Variants in RTTN observed in about 807,000 individuals in gnomAD.
RTTN encodes rotatin.
In RTTN, 182 loss-of-function variants were observed where a neutral mutation model predicts 269.2. The observed-to-expected ratio is 0.68, with a 90% CI of 0.60 to 0.76. The LOEUF is 0.76. RTTN is among the 30% of genes least tolerant of loss of function. The pLI is 0.00. For missense variants in RTTN, 2,545 were observed against 2,608.6 expected (o/e 0.98, Z 0.53); for synonymous variants, 1,006 against 963.5 (o/e 1.04, Z -0.82).
intron 39 of RTTN, among the ~76,000 whole-genome samples, chr18:70,050,313 A>G (rs764925945): frequency 3.9e-5 from 6 of 152,212 alleles, no homozygotes; most frequent in Non-Finnish European, 7.3e-5. Context: ...GCCGACAAAC[A>G]TGAAAAAAAA....
intron 19 of RTTN, 45 bp from the exon 20 acceptor site, chr18:70,140,233 A>G (rs2060222714): frequency 1.9e-6 from 2 of 1,066,708 alleles, no homozygotes; most frequent in East Asian, 4.9e-5. Context: ...CATTTTTTGT[A>G]GTTTAAAACA....
intron 30 of RTTN, among the ~76,000 whole-genome samples, chr18:70,090,974 T>C (rs148921571): frequency 7.3e-4 from 111 of 152,300 alleles, no homozygotes; most frequent in Non-Finnish European, 1.4e-3. Flanking sequence ...ACTTCTTCCT[T>C]TTTTTCCTAT....
intron 28 of RTTN, among the ~76,000 whole-genome samples, chr18:70,093,095 C>A (rs1401789124): frequency 6.6e-6 from 1 of 152,132 alleles, no homozygotes; most frequent in East Asian, 1.9e-4. Context: ...GTCCCAGCTA[C>A]CGGGGAAGCT....
At chr18:70,058,636 T>C (rs986318664) in intron 36 of RTTN, among the ~76,000 whole-genome samples, 2 of 152,236 alleles carry the variant, frequency 1.3e-5, no homozygotes, top group Admixed American at 1.3e-4. Flanking sequence ...GGTCTTTTAA[T>C]GCCCCTGTGG....
chr18:70,192,275 A>C (rs918475528), intron 8 of RTTN, among the ~76,000 whole-genome samples: 11 of 152,194 alleles, frequency 7.2e-5, no homozygotes, highest in African/African-American at 2.7e-4. Context: ...ATTTTTTAGA[A>C]TGACACTAAA....
intron 46 of RTTN, among the ~76,000 whole-genome samples, chr18:70,011,371 C>T (rs532778900): frequency 7.7e-4 from 117 of 152,162 alleles, no homozygotes; most frequent in Admixed American, 1.2e-3. Context: ...TCCAGCAGCA[C>T]GTCAAAAAGC....
intron 17 of RTTN, among the ~76,000 whole-genome samples, chr18:70,147,253 T>C (rs2060416926): frequency 6.6e-6 from 1 of 152,204 alleles, no homozygotes; most frequent in South Asian, 2.1e-4. Context: ...TATGCAACAG[T>C]GGTGTCATAG....
intron 14 of RTTN, among the ~76,000 whole-genome samples, chr18:70,163,744 A>G (rs2060909443): frequency 6.6e-6 from 1 of 152,226 alleles, no homozygotes; most frequent in Non-Finnish European, 1.5e-5. Flanking sequence ...CTGAAAATTC[A>G]AAACTGGAAA....
At chr18:70,202,480 A>T (rs2061977549) in intron 3 of RTTN, among the ~76,000 whole-genome samples, 1 of 152,232 alleles carries the variant, frequency 6.6e-6, no homozygotes, top group Admixed American at 6.5e-5. Context: ...GGCTAAAACT[A>T]TAGTTTGTAA....
intron 18 of RTTN, among the ~76,000 whole-genome samples, chr18:70,144,790 A>T (rs1324839517): frequency 6.6e-6 from 1 of 152,126 alleles, no homozygotes; most frequent in African/African-American, 2.4e-5. Flanking sequence ...AAACAAACAA[A>T]CAAAAAAACC....
At chr18:70,179,253 T>C (rs941570464) in intron 10 of RTTN, among the ~76,000 whole-genome samples, 2 of 152,212 alleles carry the variant, frequency 1.3e-5, no homozygotes, top group Admixed American at 1.3e-4. Flanking sequence ...TCTTATTATA[T>C]TGACAGGCAA....
At chr18:70,146,770 C>T (rs1193786210) in intron 17 of RTTN, among the ~76,000 whole-genome samples, 2 of 152,144 alleles carry the variant, frequency 1.3e-5, no homozygotes, top group African/African-American at 2.4e-5. Context: ...TGTGCTGCTA[C>T]GTTCCCACAG....
At chr18:70,154,909 T>C (rs2060633924) in intron 14 of RTTN, among the ~76,000 whole-genome samples, 1 of 152,204 alleles carries the variant, frequency 6.6e-6, no homozygotes, top group Middle Eastern at 3.2e-3. Context: ...CCAAAAATGC[T>C]ACTATTTGAT....
At chr18:70,203,467 T>TACAGGC (rs2062003787) in intron 3 of RTTN, among the ~76,000 whole-genome samples, 1 of 152,232 alleles carries the variant, frequency 6.6e-6, no homozygotes, top group African/African-American at 2.4e-5. Flanking sequence ...GTGCCGGGAT[T>TACAGGC]ACAGGCGTGA....
chr18:70,075,673 C>T, intron 32 of RTTN, 132 bp from the exon 33 acceptor site: 1 of 653,602 alleles, frequency 1.5e-6, no homozygotes, highest in Non-Finnish European at 2.5e-6. Context: ...TGCTTTTGTC[C>T]TTACACAGTT....
At chr18:70,061,972 T>C (rs1333778859) in intron 35 of RTTN, among the ~76,000 whole-genome samples, 1 of 152,250 alleles carries the variant, frequency 6.6e-6, no homozygotes, top group East Asian at 1.9e-4. Flanking sequence ...CTGGCTTTCA[T>C]TGTCTACAAT....
In RTTN at chr18:70,054,284, C is replaced by G. The variant is rs760864208; in HGVS notation, c.5032G>C (p.Val1678Leu). Residue 1678 changes from valine to leucine, a missense_variant and splice_region_variant, in exon 38 of 49, where the codon GTT becomes CTT. By Grantham distance (32) the Val-to-Leu change is conservative (BLOSUM62 1). Transcript: ENST00000640769. Reference sequence around the variant, plus strand: ...GATAGGTATTCCAGGAGAAAGGAAACCTGTTTGAAAAGGAGACAGGGTCAA... The same window carrying G: ...GATAGGTATTCCAGGAGAAAGGAAAGCTGTTTGAAAAGGAGACAGGGTCAA... Reference protein sequence around the residue: ...SPPAEHTQAQVSFLLEYLSSL... With the variant: ...SPPAEHTQAQLSFLLEYLSSL... The G allele has an allele frequency of 6.2e-7, 1 of 1,607,058 alleles. No individual in the cohort carries two copies. Among genetic ancestry groups the G allele is most frequent in the Non-Finnish European group, 8.5e-7 (1 of 1,176,606 alleles).
intron 26 of RTTN, among the ~76,000 whole-genome samples, chr18:70,116,903 T>G (rs1054009004): frequency 9.6e-6 from 1 of 104,436 alleles, no homozygotes; most frequent in Non-Finnish European, 2.2e-5. Context: ...GCCCCACATT[T>G]GTGAACTTCC....
intron 35 of RTTN, among the ~76,000 whole-genome samples, 185 bp downstream of exon 35, chr18:70,065,644 C>A (rs2058112872): frequency 6.6e-6 from 1 of 152,132 alleles, no homozygotes; most frequent in Non-Finnish European, 1.5e-5. Context: ...GAGCCAAATT[C>A]CATTTATTAG....
Sources: gnomAD v4.1 joint callset for allele counts (sites outside exome capture counted in the v4.1 genomes callset) on GRCh38, gnomAD v4.1.1 for gene constraint, MANE v1.5 for transcripts, NCBI Gene and HGNC (gene_info 2026-07-23, HGNC 2026-07-21) for gene names.